The following CCDC6 variants were observed in gnomAD, a reference collection of about 807,000 sequenced individuals.
CCDC6 encodes the protein coiled-coil domain containing 6.
In CCDC6, 20 loss-of-function variants were observed where a neutral mutation model predicts 56.6. That is an observed-to-expected ratio of 0.35 (90% confidence interval 0.25 to 0.51). The LOEUF (loss-of-function observed/expected upper bound fraction) is 0.51, where lower values mean the gene tolerates loss of function less well. Ranked by LOEUF, CCDC6 falls within the 20% of genes least tolerant of loss-of-function variation. The probability of loss-of-function intolerance (pLI) is 0.95; values close to 1 mark genes in which losing one functional copy is unlikely to be tolerated. For missense variants in CCDC6, 367 were observed against 601.1 expected (o/e 0.61, Z 4.07); for synonymous variants, 241 against 234.4 (o/e 1.03, Z -0.26).
At chr10:59,854,795 G>A (rs1256777976) in intron 1 of CCDC6, among the ~76,000 whole-genome samples, 3 of 152,200 alleles carry the variant, frequency 2.0e-5, no homozygotes, top group East Asian at 1.9e-4. Flanking sequence ...ATCTAAGCCT[G>A]CCATCTATCC....
intron 2 of CCDC6, among the ~76,000 whole-genome samples, chr10:59,843,245 C>T (rs113879682): frequency 0.012 from 1,884 of 152,262 alleles, 15 homozygotes; most frequent in Middle Eastern, 0.017. Flanking sequence ...ACCATTTGGA[C>T]CTGGAATTCA....
intron 4 of CCDC6, among the ~76,000 whole-genome samples, chr10:59,813,942 T>C (rs1448627335): frequency 6.6e-6 from 1 of 152,118 alleles, no homozygotes; most frequent in African/African-American, 2.4e-5. Context: ...AAACAAAAGA[T>C]CTTGGTGAAG....
intron 1 of CCDC6, among the ~76,000 whole-genome samples, chr10:59,895,762 A>AG (rs1210877949): frequency 6.6e-6 from 1 of 152,120 alleles, no homozygotes; most frequent in African/African-American, 2.4e-5. Context: ...ACCCTTTCGA[A>AG]GGTCATGCCT....
At chr10:59,904,977 C>T (rs762395395) in intron 1 of CCDC6, among the ~76,000 whole-genome samples, 3 of 152,212 alleles carry the variant, frequency 2.0e-5, no homozygotes, top group Admixed American at 6.5e-5. Flanking sequence ...CCAAATTCAT[C>T]CCTTTTTCTT....
intron 3 of CCDC6, among the ~76,000 whole-genome samples, chr10:59,825,261 G>A (rs1015923022): frequency 1.3e-5 from 2 of 152,176 alleles, no homozygotes; most frequent in African/African-American, 4.8e-5. Flanking sequence ...CCCCCATAGC[G>A]TTCTTGTGGT....
intron 3 of CCDC6, among the ~76,000 whole-genome samples, chr10:59,815,852 T>A (rs1239056199): frequency 2.0e-5 from 3 of 152,184 alleles, no homozygotes; most frequent in Admixed American, 1.3e-4. Flanking sequence ...AAGCTCCTCA[T>A]CCAAAGATCC....
At chr10:59,798,293 C>T (rs552490700) in intron 7 of CCDC6, among the ~76,000 whole-genome samples, 1 of 152,320 alleles carries the variant, frequency 6.6e-6, no homozygotes, top group African/African-American at 2.4e-5. Context: ...TACGTAAAAA[C>T]AAGAAGCTGT....
At chr10:59,848,907 G>A (rs980240880) in intron 2 of CCDC6, among the ~76,000 whole-genome samples, 13 of 152,058 alleles carry the variant, frequency 8.5e-5, no homozygotes, top group Admixed American at 8.5e-4. Context: ...TAGAAATGGG[G>A]TCTCGCCATG....
chr10:59,867,796 G>A (rs2071189910), intron 1 of CCDC6, among the ~76,000 whole-genome samples: 1 of 152,018 alleles, frequency 6.6e-6, no homozygotes, highest in African/African-American at 2.4e-5. Context: ...TCGAACTCCC[G>A]GGCTCAAGCA....
At chr10:59,870,146 G>A (rs571700427) in intron 1 of CCDC6, among the ~76,000 whole-genome samples, 1 of 152,132 alleles carries the variant, frequency 6.6e-6, no homozygotes, top group Non-Finnish European at 1.5e-5. Flanking sequence ...CACAATCAGG[G>A]CCACTGGTGA....
intron 2 of CCDC6, among the ~76,000 whole-genome samples, chr10:59,837,864 A>C (rs757745086): frequency 1.3e-5 from 2 of 150,888 alleles, no homozygotes; most frequent in Non-Finnish European, 1.5e-5. Flanking sequence ...TCCCTGGTTT[A>C]TTGAAAATTA....
Position 59,789,688 on chromosome 10 carries a change from A to C in CCDC6, c.*3229T>G, listed in dbSNP as rs560228579. 4.5e-6 allele frequency: 1 copy of C among 223,158 alleles called. No homozygotes were observed. The highest frequency in any genetic ancestry group is 9.0e-6 in the Non-Finnish European group (1 of 111,504). The allele number at this position is 223,158 out of a possible 1,614,324, so 13.8% of individuals were successfully genotyped here. ...AGTACTAGACAGAAGATCAAGTTAC[A>C]CAGAAATATTTCTTCTGTACTGATA... On this transcript the variant is annotated 3_prime_UTR_variant, in exon 9 of 9. Transcript: ENST00000263102.
At chr10:59,814,790 G>A in intron 3 of CCDC6, 35 bp from the exon 4 acceptor site, 1 of 1,327,576 alleles carries the variant, frequency 7.5e-7, no homozygotes, top group East Asian at 2.3e-5. Flanking sequence ...CAAAGTGTCA[G>A]GCCACTTATA....
intron 1 of CCDC6, among the ~76,000 whole-genome samples, chr10:59,891,225 G>C (rs1229698741): frequency 6.6e-6 from 1 of 152,108 alleles, no homozygotes. Flanking sequence ...CTTGCTAACT[G>C]GTAATCCTAC....
intron 1 of CCDC6, among the ~76,000 whole-genome samples, chr10:59,871,310 G>A (rs575455015): frequency 2.4e-4 from 37 of 151,954 alleles, no homozygotes; most frequent in South Asian, 2.3e-3. Flanking sequence ...TAAGAACACC[G>A]CCTTGTATAT....
chr10:59,840,299 A>G (rs1012131329), intron 2 of CCDC6, among the ~76,000 whole-genome samples: 1 of 152,194 alleles, frequency 6.6e-6, no homozygotes, highest in African/African-American at 2.4e-5. Context: ...TAATGATTTC[A>G]ATTTTCTATC....
At chr10:59,804,752 C>A (rs960401005) in intron 6 of CCDC6, 8 of 461,908 alleles carry the variant, frequency 1.7e-5, no homozygotes, top group Non-Finnish European at 2.8e-5. Context: ...TGTTTTAGCT[C>A]AGGATGGAAG....
intron 1 of CCDC6, among the ~76,000 whole-genome samples, chr10:59,885,832 A>G (rs1184089): frequency 0.69 from 103,108 of 150,426 alleles, 35,556 homozygotes; most frequent in East Asian, 0.85. Flanking sequence ...CATATCCTCC[A>G]AGAAACACAT....
intron 1 of CCDC6, among the ~76,000 whole-genome samples, chr10:59,892,123 C>T (rs1157566198): frequency 6.6e-6 from 1 of 152,220 alleles, no homozygotes; most frequent in East Asian, 1.9e-4. Flanking sequence ...GGAGAAGTGG[C>T]ACTAGGGCGT....
Sources: allele counts gnomAD v4.1 joint callset (sites outside exome capture counted in the v4.1 genomes callset), GRCh38; gene constraint gnomAD v4.1.1; transcripts MANE v1.5; gene names NCBI Gene and HGNC (gene_info 2026-07-23, HGNC 2026-07-21).